Variants in SEMA3E observed in about 807,000 individuals in gnomAD.
The protein encoded by SEMA3E is semaphorin-3E.
Under a neutral mutation model 93.6 loss-of-function variants are expected in SEMA3E, and 49 were observed. The ratio of observed to expected loss-of-function variants is 0.52; its 90% confidence interval spans 0.42 to 0.66. The LOEUF (loss-of-function observed/expected upper bound fraction) is 0.66. Among genes scored for constraint, SEMA3E ranks in the 30% least tolerant of loss-of-function variants. The pLI, the probability that SEMA3E is intolerant of heterozygous loss-of-function variation, is 0.00. For missense variants in SEMA3E, 906 were observed against 964.8 expected, an observed-to-expected ratio of 0.94 and a Z score of 0.81; for synonymous variants, 363 against 330.7, an observed-to-expected ratio of 1.10 and a Z score of -1.06.
intron 1 of SEMA3E, among the ~76,000 whole-genome samples, chr7:83,603,177 T>A (rs1357305637): frequency 6.6e-6 from 1 of 152,070 alleles, no homozygotes; most frequent in Non-Finnish European, 1.5e-5. Flanking sequence ...CTCCTGGGAG[T>A]AATAAAGCAT....
chr7:83,381,764 T>G (rs1178409312), intron 16 of SEMA3E, among the ~76,000 whole-genome samples: 1 of 151,966 alleles, frequency 6.6e-6, no homozygotes, highest in African/African-American at 2.4e-5. Context: ...TAGGCTCAAA[T>G]GGTGGCTCAC....
intron 1 of SEMA3E, among the ~76,000 whole-genome samples, chr7:83,577,309 T>C (rs1479819832): frequency 6.6e-6 from 1 of 152,202 alleles, no homozygotes; most frequent in Non-Finnish European, 1.5e-5. Flanking sequence ...AAAGCGTATG[T>C]TGCATGTTTT....
Position 83,365,636 on chromosome 7 carries a change from A to G in SEMA3E, c.*1950T>C, listed in dbSNP as rs1366289278. The G allele has an allele frequency of 6.6e-6, 1 of 152,184 alleles. No individual in the cohort carries two copies. The highest frequency in any genetic ancestry group is 2.4e-5 in the African/African-American group (1 of 41,468). The allele number at this position is 152,184 out of a possible 1,614,324, so 9.4% of individuals were successfully genotyped here. A position where few individuals can be genotyped will look rare whatever the true frequency, so the allele number is the denominator to read the frequency against. On this transcript the variant is annotated 3_prime_UTR_variant, in exon 17 of 17. Transcript: ENST00000643230. ...TTAGTTTACAAGTTACACCATTGTT[A>G]TCATCATTAACTACTTGTCTGTGTT...
chr7:83,441,534 G>A (rs1456079638), intron 4 of SEMA3E, among the ~76,000 whole-genome samples: 1 of 152,160 alleles, frequency 6.6e-6, no homozygotes, highest in African/African-American at 2.4e-5. Context: ...CTGCAGCTGG[G>A]TCTGCCGTTG....
intron 1 of SEMA3E, among the ~76,000 whole-genome samples, chr7:83,597,418 C>A (rs1039846386): frequency 6.6e-6 from 1 of 152,146 alleles, no homozygotes; most frequent in African/African-American, 2.4e-5. Flanking sequence ...CTGTAATCTT[C>A]TGTATCTGTG....
At chr7:83,552,317 T>TA (rs1791782915) in intron 1 of SEMA3E, among the ~76,000 whole-genome samples, 1 of 152,190 alleles carries the variant, frequency 6.6e-6, no homozygotes, top group South Asian at 2.1e-4. Flanking sequence ...TTTTATCTCT[T>TA]AATCCTGTTA....
At chr7:83,467,383 T>C (rs7811465) in intron 3 of SEMA3E, among the ~76,000 whole-genome samples, 22,385 of 152,208 alleles carry the variant, frequency 0.15, 2,387 homozygotes, top group African/African-American at 0.28. Flanking sequence ...GTAAGTCTTA[T>C]ATTCTCACAC....
intron 16 of SEMA3E, chr7:83,372,153 T>A (rs1794757800): frequency 2.5e-6 from 1 of 396,434 alleles, no homozygotes; most frequent in Non-Finnish European, 4.5e-6. Flanking sequence ...TACAGACATA[T>A]CCAAAAGATA....
chr7:83,490,360 C>T lies in SEMA3E; in HGVS notation c.116-86G>A, dbSNP rs73707854. The T allele has an allele frequency of 0.028, 37,191 of 1,341,458 alleles. 647 individuals carry two copies. Among genetic ancestry groups the T allele is most frequent in the African/African-American group, 0.066 (4,556 of 68,910 alleles). 83.1% of individuals were successfully genotyped at this position (1,341,458 alleles called of 1,614,324 possible). ...CTTTTCTCATAGCTCTGTTTTCATC[C>T]CTATTGGAACTGAGTCATTAACATT... On this transcript the variant is annotated intron_variant, in intron 1 of 16. Coordinates refer to ENST00000643230, the MANE Select transcript of SEMA3E (RefSeq NM_012431.3).
At chr7:83,400,327 T>A in intron 10 of SEMA3E, 77 bp from the exon 11 acceptor site, 71 of 1,262,982 alleles carry the variant, frequency 5.6e-5, no homozygotes, top group Non-Finnish European at 8.0e-5. Flanking sequence ...ATGAGAAGAA[T>A]CAGAAAAATT....
chr7:83,495,535 A>G (rs1790473711), intron 1 of SEMA3E, among the ~76,000 whole-genome samples: 1 of 151,960 alleles, frequency 6.6e-6, no homozygotes, highest in Admixed American at 6.6e-5. Flanking sequence ...AGTTTAAGAA[A>G]GAAGCAGAAA....
At chr7:83,397,949 G>A (rs1358900742) in intron 11 of SEMA3E, among the ~76,000 whole-genome samples, 2 of 152,012 alleles carry the variant, frequency 1.3e-5, no homozygotes, top group African/African-American at 4.8e-5. Context: ...AATTATATCA[G>A]GCAAAAAGCA....
At chr7:83,467,380 T>G (rs950661720) in intron 3 of SEMA3E, among the ~76,000 whole-genome samples, 17 of 152,208 alleles carry the variant, frequency 1.1e-4, no homozygotes, top group Non-Finnish European at 1.2e-4. Flanking sequence ...AAAGTAAGTC[T>G]TATATTCTCA....
At chr7:83,525,415 TA>T (rs539076043) in intron 1 of SEMA3E, among the ~76,000 whole-genome samples, 3 of 152,166 alleles carry the variant, frequency 2.0e-5, no homozygotes, top group Non-Finnish European at 4.4e-5. Flanking sequence ...ATTTAATTAC[TA>T]AAAAAAGTAT....
intron 2 of SEMA3E, among the ~76,000 whole-genome samples, chr7:83,487,861 AC>A (rs1269589757): frequency 6.6e-6 from 1 of 152,120 alleles, no homozygotes; most frequent in African/African-American, 2.4e-5. Flanking sequence ...TTCTACTTTA[AC>A]CTGTAATCAT....
chr7:83,380,846 G>C (rs1460078705), intron 16 of SEMA3E, among the ~76,000 whole-genome samples: 4 of 151,936 alleles, frequency 2.6e-5, no homozygotes, highest in African/African-American at 9.7e-5. Flanking sequence ...ACAGAGAGAA[G>C]AGAACAGAAG....
intron 5 of SEMA3E, among the ~76,000 whole-genome samples, chr7:83,414,809 A>C (rs1042822435): frequency 2.0e-5 from 3 of 152,184 alleles, no homozygotes; most frequent in Middle Eastern, 3.4e-3. Context: ...CTCTAGCTAC[A>C]TGTGTCTTAT....
chr7:83,570,695 A>G (rs906587023), intron 1 of SEMA3E, among the ~76,000 whole-genome samples: 2 of 151,184 alleles, frequency 1.3e-5, no homozygotes, highest in Non-Finnish European at 2.9e-5. Context: ...GGAGAACTGG[A>G]AAAAAATGAG....
rs1342912991 is a variant in SEMA3E, at chr7:83,402,647, A to G, written c.1128T>C (p.Tyr376=). ...CTAAACTTACAGAACCAGGCCTTGG[A>G]TAAGGGACTTTTCCTTCATAGACTG... ...HWSVYEGKVP[Y]PRPGSCASKV... is the part of the protein sequence containing the mutation. The change falls in exon 10 of 17, where the codon TAT becomes TAC. Residue 376 remains tyrosine (Y), a synonymous_variant. Transcript: ENST00000643230. 6.2e-7 allele frequency: 1 copy of G among 1,612,616 alleles called. No homozygotes were observed. The highest frequency in any genetic ancestry group is 8.5e-7 in the Non-Finnish European group (1 of 1,178,854).
Sources: allele counts gnomAD v4.1 joint callset (sites outside exome capture counted in the v4.1 genomes callset), GRCh38; gene constraint gnomAD v4.1.1; transcripts MANE v1.5; gene names NCBI Gene and HGNC (gene_info 2026-07-23, HGNC 2026-07-21).